Variants in BROX observed in about 807,000 individuals in gnomAD.
BROX encodes the protein BRO1 domain-containing protein BROX.
BROX carries 53 observed loss-of-function variants against 61.0 expected under a neutral mutation model. The ratio of observed to expected loss-of-function variants is 0.87; its 90% CI spans 0.70 to 1.09. BROX has a LOEUF of 1.09. BROX is among the 50% of genes least tolerant of loss of function. The pLI is 0.00. For synonymous variants in BROX, 152 were observed against 160.2 expected, an observed-to-expected ratio of 0.95 and a Z score of 0.38; for missense variants, 489 against 472.0, an observed-to-expected ratio of 1.04 and a Z score of -0.33.
chr1:222,716,720 A>G (rs776578020), intron 2 of BROX, among the ~76,000 whole-genome samples: 2 of 152,220 alleles, frequency 1.3e-5, no homozygotes, highest in Non-Finnish European at 2.9e-5. Context: ...ATTACCAGAA[A>G]AGCCTGAGAT....
intron 9 of BROX, 47 bp from the exon 10 acceptor site, chr1:222,729,573 G>C: frequency 7.0e-7 from 1 of 1,430,304 alleles, no homozygotes; most frequent in Non-Finnish European, 9.8e-7. Context: ...ATAGGGGAAA[G>C]CATCTTGAAG....
chr1:222,726,053 G>A (rs1225018978), intron 7 of BROX, among the ~76,000 whole-genome samples: 2 of 152,152 alleles, frequency 1.3e-5, no homozygotes, highest in Non-Finnish European at 2.9e-5. Context: ...CAGTTTAATG[G>A]CTCTTTTTAA....
Position 222,712,928 on chromosome 1 carries a change from A to C in BROX, c.-31A>C. 1 of 1,184,370 alleles carries C rather than the reference A, an allele frequency of 8.4e-7. No individual in the cohort carries two copies. The highest frequency in any genetic ancestry group is 6.2e-5 in the East Asian group (1 of 16,030). The allele number at this position is 1,184,370 out of a possible 1,614,324, so 73.4% of individuals were successfully genotyped here. The stretch of plus-strand genomic sequence containing the variant: ...TTCCCTTAGAAGAACTGCTGAACCG[A>C]CTCTGAGAAATTTGGTAAGTATGTC... On this transcript the variant is annotated 5_prime_UTR_variant, in exon 1 of 13. Coordinates refer to ENST00000340934, the MANE Select transcript of BROX (RefSeq NM_144695.4).
Position 222,731,347 on chromosome 1 carries a change from T to A in BROX, c.990-10T>A. ...AATGAATGAATTGCTATTTAAATTA[T>A]TTTTTGCAGTTACTTTCAAAAAATT... On this transcript the variant is annotated splice_polypyrimidine_tract_variant and intron_variant, in intron 11 of 12. Transcript: ENST00000340934. The A allele has an allele frequency of 6.4e-7, 1 of 1,556,716 alleles. No homozygotes were observed. Among genetic ancestry groups the A allele is most frequent in the Non-Finnish European group, 8.6e-7 (1 of 1,161,220 alleles).
intron 4 of BROX, 118 bp downstream of exon 4, chr1:222,719,477 C>CTTACCAGGAAATTAA (rs1656902329): frequency 1.5e-6 from 1 of 678,440 alleles, no homozygotes; most frequent in African/African-American, 1.8e-5. Context: ...AGCGTTTTCT[C>CTTACCAGGAAATTAA]TTACCAGGAA....
In BROX at chr1:222,712,744, C is replaced by T. The variant is rs1196838292; in HGVS notation, c.-215C>T. On this transcript the variant is annotated 5_prime_UTR_variant, in exon 1 of 13. Coordinates refer to ENST00000340934, the MANE Select transcript of BROX (RefSeq NM_144695.4). ...ACTGCAACGCCGCGGCAATACCCGC[C>T]CCTGAGCTGCGCGCACTACCGCCTC... 1 of 1,290,092 alleles carries T rather than the reference C, an allele frequency of 7.8e-7. No homozygotes were observed. Among genetic ancestry groups the T allele is most frequent in the South Asian group, 1.2e-5 (1 of 80,990 alleles). The allele number at this position is 1,290,092 out of a possible 1,614,324, so 79.9% of individuals were successfully genotyped here. A position where few individuals can be genotyped will look rare whatever the true frequency, so the allele number is the denominator to read the frequency against.
chr1:222,725,091 C>CCT (rs1321607007), intron 6 of BROX, among the ~76,000 whole-genome samples: 1 of 152,102 alleles, frequency 6.6e-6, no homozygotes, highest in African/African-American at 2.4e-5. Flanking sequence ...CTGCACCCAG[C>CCT]CTCTTTATAT....
Position 222,719,245 on chromosome 1 carries a change from T to A in BROX, c.209-18T>A, listed in dbSNP as rs781437594. 7.2e-6 allele frequency: 11 copies of A among 1,520,008 alleles called. No homozygotes were observed. The East Asian group carries it at 2.3e-4, about 31-fold the overall frequency. 94.2% of individuals were successfully genotyped at this position (1,520,008 alleles called of 1,614,324 possible). On this transcript the variant is annotated intron_variant, in intron 3 of 12. Transcript: ENST00000340934. ...TTCTAATTCTTCTAAAACTAAAATG[T>A]CTTGTACTTTTCTATAGGTTTCATA...
At chr1:222,714,401 T>C (rs1329424436) in intron 1 of BROX, among the ~76,000 whole-genome samples, 3 of 151,290 alleles carry the variant, frequency 2.0e-5, no homozygotes, top group African/African-American at 7.3e-5. Flanking sequence ...AGAGTCACCG[T>C]GTTAGCCAGG....
rs1328277044 is a variant in BROX at position 222,724,083 on chromosome 1, A to C, written c.402-9A>C. On this transcript the variant is annotated splice_polypyrimidine_tract_variant and intron_variant, in intron 5 of 12. Transcript: ENST00000340934. ...TCATCCTCTAACTAATGTAACCCCT[A>C]TCTTTAAGTATAACAGAAGATGAAG... is the stretch of plus-strand genomic sequence containing the variant. 1.3e-6 allele frequency: 2 copies of C among 1,595,758 alleles called. No individual in the cohort carries two copies. Among genetic ancestry groups the C allele is most frequent in the African/African-American group, 2.7e-5 (2 of 74,208 alleles).
intron 4 of BROX, 87 bp downstream of exon 4, chr1:222,719,446 A>G: frequency 1.1e-6 from 1 of 938,330 alleles, no homozygotes; most frequent in Non-Finnish European, 1.7e-6. Context: ...GTATTTGGAG[A>G]AGAAAAATAC....
At chr1:222,717,728 A>T (rs1656742085) in intron 2 of BROX, 2 of 152,238 alleles carry the variant, frequency 1.3e-5, no homozygotes, top group African/African-American at 4.8e-5. Flanking sequence ...GGGATATACC[A>T]TTCAGGATTA....
In BROX at chr1:222,714,805, C is replaced by T. The variant is rs181245578; in HGVS notation, c.-16-879C>T. ...ATGTTGCCCAAGCTAGTCTCAAATT[C>T]CTGAGCTCAAGCGATCCACCCACCT... On this transcript the variant is annotated intron_variant, in intron 1 of 12. Coordinates refer to ENST00000340934, the MANE Select transcript of BROX (RefSeq NM_144695.4). Among the ~76,000 whole-genome samples, 9 of 151,978 alleles carry T rather than the reference C, an allele frequency of 5.9e-5. No individual in the cohort carries two copies. The East Asian group carries it at 1.6e-3, about 26-fold the overall frequency.
Position 222,725,560 on chromosome 1 carries a change from C to CAAG in BROX, c.580+5_580+6insAAG. ...GTCAGGCTGAAGCTCAAGAAGGTAT[C>CAAG]CTAAATATTGTAAGATTTTTTTAAA... is the stretch of plus-strand genomic sequence containing the variant. On this transcript the variant is annotated splice_donor_region_variant and intron_variant, in intron 7 of 12. Coordinates refer to ENST00000340934, the MANE Select transcript of BROX (RefSeq NM_144695.4). The CAAG allele has an allele frequency of 6.3e-7, 1 of 1,576,782 alleles. No individual in the cohort carries two copies. The highest frequency in any genetic ancestry group is 8.6e-7 in the Non-Finnish European group (1 of 1,159,324).
chr1:222,715,826 T>C lies in BROX; in HGVS notation c.101+26T>C, dbSNP rs527675627. 3.5e-6 allele frequency: 5 copies of C among 1,442,664 alleles called. No individual in the cohort carries two copies. In the African/African-American group the frequency reaches 7.1e-5, roughly 21 times the overall value. 89.4% of individuals were successfully genotyped at this position (1,442,664 alleles called of 1,614,324 possible). A position where few individuals can be genotyped will look rare whatever the true frequency, so the allele number is the denominator to read the frequency against. ...GTAAGTTTATTGATTGAACCACTCT[T>C]AGATGCAAGGTACTTTTTTTGGTTC... On this transcript the variant is annotated intron_variant, in intron 2 of 12. Coordinates refer to ENST00000340934, the MANE Select transcript of BROX (RefSeq NM_144695.4).
At chr1:222,719,860 T>C (rs1571969012) in intron 4 of BROX, among the ~76,000 whole-genome samples, 1 of 152,240 alleles carries the variant, frequency 6.6e-6, no homozygotes, top group East Asian at 1.9e-4. Flanking sequence ...CAGAGCTTTC[T>C]TATCACTCAC....
In BROX at chr1:222,715,764, G is replaced by T. The variant is rs770453035; in HGVS notation, c.65G>T (p.Gly22Val). 6.3e-7 allele frequency: 1 copy of T among 1,594,168 alleles called. No individual in the cohort carries two copies. Among genetic ancestry groups the T allele is most frequent in the Non-Finnish European group, 8.6e-7 (1 of 1,168,674 alleles). ...ATAPVSFNYY[G>V]VVTGPSASKI... ...GCTCCTGTGTCTTTTAATTACTATG[G>T]TGTAGTCACTGGCCCTTCTGCTTCA... The change falls in exon 2 of 13, where the codon GGT becomes GTT. Residue 22 changes from glycine (G) to valine (V), a missense_variant. Gly to Val is a moderately radical substitution (Grantham distance 109). Transcript: ENST00000340934.
chr1:222,714,420 G>T lies in BROX; in HGVS notation c.-16-1264G>T, dbSNP rs140565341. Among the ~76,000 whole-genome samples the T allele has an allele frequency of 1.5e-3, 226 of 150,490 alleles. 6 individuals carry two copies. In the South Asian group the frequency reaches 0.021, roughly 14 times the overall value. On this transcript the variant is annotated intron_variant, in intron 1 of 12. Coordinates refer to ENST00000340934, the MANE Select transcript of BROX (RefSeq NM_144695.4). ...TCACCGTGTTAGCCAGGATGGTCTC[G>T]ATCTCCTGACCTTGTGATCTGCCCG...
rs567413985 is a variant in BROX, at chr1:222,729,068, C to T, written c.756+240C>T. ...GAATTATTGTTTGATTGAAAACCCA[C>T]TTGCAGCATACTTAATGAAATTCTT... On this transcript the variant is annotated intron_variant, in intron 9 of 12. Coordinates refer to ENST00000340934, the MANE Select transcript of BROX (RefSeq NM_144695.4). Among the ~76,000 whole-genome samples, 4 of 152,296 alleles carry T rather than the reference C, an allele frequency of 2.6e-5. No homozygotes were observed. The South Asian group carries it at 8.3e-4, about 32-fold the overall frequency.
Sources: gnomAD v4.1 joint callset for allele counts (sites outside exome capture counted in the v4.1 genomes callset) on GRCh38, gnomAD v4.1.1 for gene constraint, MANE v1.5 for transcripts, NCBI Gene and HGNC (gene_info 2026-07-23, HGNC 2026-07-21) for gene names.